Variants in HNRNPA1L2 observed in about 807,000 individuals in gnomAD.
HNRNPA1L2 encodes heterogeneous nuclear ribonucleoprotein A1 like 2, also known as heterogeneous nuclear ribonucleoprotein A1-like 2.
A neutral mutation model predicts 18.2 loss-of-function variants in HNRNPA1L2; 10 were observed. The ratio of observed to expected loss-of-function variants is 0.55; its 90% confidence interval spans 0.34 to 0.93. The LOEUF is 0.93. Ranked by LOEUF, HNRNPA1L2 falls within the 40% of genes least tolerant of loss-of-function variation. The pLI is 0.02. For synonymous variants in HNRNPA1L2, 124 were observed against 138.6 expected, an observed-to-expected ratio of 0.89 and a Z score of 0.74; for missense variants, 308 against 394.4, an observed-to-expected ratio of 0.78 and a Z score of 1.85.
chr13:52,628,410 TC>T, the HNRNPA1L2 span, among the ~76,000 whole-genome samples: 1 of 151,942 alleles, frequency 6.6e-6, no homozygotes, highest in Non-Finnish European at 1.5e-5. Context: ...ACCACTGCCC[TC>T]CAGTCTGGGC....
the HNRNPA1L2 span, among the ~76,000 whole-genome samples, chr13:52,627,909 A>T: frequency 6.6e-6 from 1 of 152,042 alleles, no homozygotes; most frequent in Admixed American, 6.6e-5. Flanking sequence ...TTTTCAGTTA[A>T]ATAGCTTGCT....
At position 52,643,244 on chromosome 13, in the gene HNRNPA1L2, G is replaced by C; in HGVS notation, c.752G>C (p.Gly251Ala). The change falls in exon 1 of 1, where the codon GGA becomes GCA. Residue 251 changes from glycine to alanine, a missense_variant. Gly to Ala is a moderately conservative substitution (Grantham distance 60). Coordinates refer to ENST00000357495, the MANE Select transcript of HNRNPA1L2 (RefSeq NM_001389320.1). ...GDGYNGFGND[G>A]SNFGGGGSYN... ...GGCTATAATGGATTTGGTAATGATG[G>C]AAGCAATTTTGGAGGTGGTGGAAGC... The C allele has an allele frequency of 6.3e-7, 1 of 1,596,084 alleles. No individual in the cohort carries two copies. The highest frequency in any genetic ancestry group is 1.1e-5 in the South Asian group (1 of 90,946).
chr13:52,639,674 T>C (rs1217866125), upstream of HNRNPA1L2, among the ~76,000 whole-genome samples: 1 of 143,884 alleles, frequency 7.0e-6, no homozygotes, highest in Non-Finnish European at 1.5e-5. Flanking sequence ...TGTTCTCTTC[T>C]GTTTTTGTTG....
At chr13:52,625,622 C>G in the HNRNPA1L2 span, among the ~76,000 whole-genome samples, 1 of 152,154 alleles carries the variant, frequency 6.6e-6, no homozygotes, top group Non-Finnish European at 1.5e-5. Context: ...CACCTATGTT[C>G]TGTGCCTACT....
the HNRNPA1L2 span, among the ~76,000 whole-genome samples, chr13:52,626,845 C>G: frequency 6.6e-6 from 1 of 152,164 alleles, no homozygotes; most frequent in Non-Finnish European, 1.5e-5. Context: ...AGCCTTCTGT[C>G]CTGAGGCAAT....
the HNRNPA1L2 span, among the ~76,000 whole-genome samples, chr13:52,631,073 A>G: frequency 1.3e-4 from 20 of 152,274 alleles, no homozygotes; most frequent in East Asian, 3.9e-3. Flanking sequence ...AAGGGGAGTA[A>G]GGGGAAGCAA....
At chr13:52,620,526 A>C in the HNRNPA1L2 span, among the ~76,000 whole-genome samples, 7 of 152,358 alleles carry the variant, frequency 4.6e-5, no homozygotes, top group African/African-American at 1.4e-4. Context: ...CTTGTTAGAA[A>C]TGCAAATTCT....
At chr13:52,638,571 C>T (rs534405458), upstream of HNRNPA1L2, among the ~76,000 whole-genome samples, 2 of 152,294 alleles carry the variant, frequency 1.3e-5, no homozygotes, top group Admixed American at 1.3e-4. Context: ...TTCTCTAAAA[C>T]TTGCTGAGGT....
chr13:52,631,578 T>C, the HNRNPA1L2 span, among the ~76,000 whole-genome samples: 1 of 152,226 alleles, frequency 6.6e-6, no homozygotes, highest in Admixed American at 6.5e-5. Flanking sequence ...GGGAACCTGC[T>C]AGAGGAAAAC....
the HNRNPA1L2 span, among the ~76,000 whole-genome samples, chr13:52,625,626 G>C: frequency 6.6e-6 from 1 of 152,212 alleles, no homozygotes; most frequent in African/African-American, 2.4e-5. Flanking sequence ...TATGTTCTGT[G>C]CCTACTCTGA....
rs1252782667 is a variant in HNRNPA1L2, at chr13:52,643,745, A to C, written c.*290A>C. On this transcript the variant is annotated 3_prime_UTR_variant, in exon 1 of 1. Transcript: ENST00000357495. ...TTTTGCACCCATGCTGTTGATTGCT[A>C]AATGTAATAGTCTGATTGTGACGCT... 2 of 474,500 alleles carry C rather than the reference A, an allele frequency of 4.2e-6. No homozygotes were observed. 29.4% of individuals were successfully genotyped at this position (474,500 alleles called of 1,614,324 possible). A position where few individuals can be genotyped will look rare whatever the true frequency, so the allele number is the denominator to read the frequency against.
the HNRNPA1L2 span, among the ~76,000 whole-genome samples, chr13:52,631,492 C>T: frequency 2.6e-5 from 4 of 152,274 alleles, no homozygotes; most frequent in African/African-American, 7.2e-5. Context: ...GTTCACCGGA[C>T]GTTCGGTTGA....
the HNRNPA1L2 span, among the ~76,000 whole-genome samples, chr13:52,619,229 G>A: frequency 6.6e-6 from 1 of 152,014 alleles, no homozygotes; most frequent in Admixed American, 6.6e-5. Flanking sequence ...CCGACCTCAG[G>A]TGATCGGCCC....
chr13:52,640,368 C>G (rs2138080502), upstream of HNRNPA1L2, among the ~76,000 whole-genome samples: 1 of 152,072 alleles, frequency 6.6e-6, no homozygotes, highest in South Asian at 2.1e-4. Context: ...CAGAGTGGTC[C>G]CAAATTAGCA....
At chr13:52,630,069 T>C in the HNRNPA1L2 span, among the ~76,000 whole-genome samples, 3 of 151,982 alleles carry the variant, frequency 2.0e-5, no homozygotes, top group Admixed American at 1.3e-4. Flanking sequence ...TAGCTTAAAA[T>C]GGTAGATTAT....
the HNRNPA1L2 span, among the ~76,000 whole-genome samples, chr13:52,618,404 G>T: frequency 2.0e-5 from 3 of 152,232 alleles, no homozygotes; most frequent in Admixed American, 6.5e-5. Flanking sequence ...TAATTCCACT[G>T]TGTAACTTCC....
chr13:52,618,709 T>G, the HNRNPA1L2 span, among the ~76,000 whole-genome samples: 1 of 152,170 alleles, frequency 6.6e-6, no homozygotes, highest in East Asian at 1.9e-4. Flanking sequence ...AGGGGGCATT[T>G]TAATATAGAA....
chr13:52,628,757 T>A, the HNRNPA1L2 span, among the ~76,000 whole-genome samples: 1 of 152,264 alleles, frequency 6.6e-6, no homozygotes, highest in African/African-American at 2.4e-5. Context: ...TTTTTAAAAT[T>A]TAATTTAAAC....
chr13:52,643,402 G>A lies in HNRNPA1L2; in HGVS notation c.910G>A (p.Gly304Ser). ...CTTTGCAAAACCACAAAACCAAGGT[G>A]GCTATGGCGTTTCCAGCAGCAGCAG... ...QYFAKPQNQG[G>S]YGVSSSSSSY... Residue 304 changes from glycine to serine, a missense_variant, in exon 1 of 1, where the codon GGC becomes AGC. Gly to Ser is a moderately conservative substitution (Grantham distance 56). Transcript: ENST00000357495. The A allele has an allele frequency of 6.3e-7, 1 of 1,598,712 alleles. No homozygotes were observed.
Sources: gnomAD v4.1 joint callset for allele counts (sites outside exome capture counted in the v4.1 genomes callset) on GRCh38, gnomAD v4.1.1 for gene constraint, MANE v1.5 for transcripts, NCBI Gene and HGNC (gene_info 2026-07-23, HGNC 2026-07-21) for gene names.